MLIP: variants seen among roughly 807,000 people sequenced by gnomAD.
The protein encoded by MLIP is muscular LMNA interacting protein.
MLIP carries 79 observed loss-of-function variants against 84.8 expected under a neutral mutation model. The observed-to-expected ratio is 0.93, with a 90% confidence interval of 0.78 to 1.12. The LOEUF is 1.12. Among genes scored for constraint, MLIP ranks in the 50% most tolerant of loss-of-function variants. MLIP has a pLI of 0.00. For missense variants in MLIP, 1,257 were observed against 1,160.6 expected, an observed-to-expected ratio of 1.08 and a Z score of -1.21; for synonymous variants, 504 against 463.0, an observed-to-expected ratio of 1.09 and a Z score of -1.14.
chr6:54,198,096 T>G (rs1284736492), intron 10 of MLIP, among the ~76,000 whole-genome samples: 2 of 152,132 alleles, frequency 1.3e-5, no homozygotes, highest in Non-Finnish European at 2.9e-5. Flanking sequence ...TATCTCTACA[T>G]GAGCAGCACA....
At chr6:54,095,327 A>G (rs1768134617) in intron 1 of MLIP, among the ~76,000 whole-genome samples, 1 of 152,060 alleles carries the variant, frequency 6.6e-6, no homozygotes, top group African/African-American at 2.4e-5. Context: ...TGCTCCCTCT[A>G]CTCAGAAGGA....
intron 11 of MLIP, chr6:54,203,777 G>C (rs1016251442): frequency 2.0e-5 from 3 of 152,174 alleles, no homozygotes; most frequent in African/African-American, 7.2e-5. Context: ...GTAGAGACAG[G>C]GTTTCACCAT....
chr6:54,233,768 CCTTA>C (rs1231872523), intron 12 of MLIP, among the ~76,000 whole-genome samples: 1 of 152,130 alleles, frequency 6.6e-6, no homozygotes, highest in Non-Finnish European at 1.5e-5. Context: ...TGAGGAATAG[CCTTA>C]CTGTCTTCCA....
At position 54,124,637 on chromosome 6, in the gene MLIP, A is replaced by G. The variant is rs1314077112; in HGVS notation, c.417A>G (p.Glu139=). 5 of 1,614,214 alleles carry G rather than the reference A, an allele frequency of 3.1e-6. No homozygotes were observed. Among genetic ancestry groups the G allele is most frequent in the East Asian group, 2.2e-5 (1 of 44,870 alleles). ...AGCAAAGTGACCTCTTCAAAGCTGA[A>G]TATGTCCTTATTGTGGACTCCGAAG... ...GMQQSDLFKA[E]YVLIVDSEGE... The change falls in exon 3 of 14, where the codon GAA becomes GAG. Residue 139 remains glutamate (E), a synonymous_variant. Transcript: ENST00000502396.
At chr6:54,132,096 T>G (rs1227723565) in intron 3 of MLIP, among the ~76,000 whole-genome samples, 1 of 152,192 alleles carries the variant, frequency 6.6e-6, no homozygotes, top group African/African-American at 2.4e-5. Flanking sequence ...AGATACTGCT[T>G]CTTGTATTGC....
At chr6:54,082,745 T>C (rs1767243076) in intron 1 of MLIP, among the ~76,000 whole-genome samples, 2 of 69,726 alleles carry the variant, frequency 2.9e-5, no homozygotes, top group South Asian at 6.8e-4. Flanking sequence ...ACTAGTAAGA[T>C]TGAATATCTT....
At chr6:54,191,441 T>A (rs1358723649) in intron 10 of MLIP, among the ~76,000 whole-genome samples, 2 of 152,182 alleles carry the variant, frequency 1.3e-5, no homozygotes, top group Non-Finnish European at 2.9e-5. Context: ...TGTGTGTGCA[T>A]TAGTGTCAAT....
intron 7 of MLIP, 53 bp downstream of exon 7, chr6:54,160,652 A>T: frequency 1.3e-6 from 2 of 1,533,266 alleles, no homozygotes; most frequent in Non-Finnish European, 1.8e-6. Context: ...GCTTCTCTTC[A>T]TTTTCCTCTA....
At chr6:54,072,268 G>A (rs1318423491) in intron 1 of MLIP, among the ~76,000 whole-genome samples, 12 of 152,014 alleles carry the variant, frequency 7.9e-5, no homozygotes, top group Non-Finnish European at 2.9e-5. Flanking sequence ...CAATTTTCCA[G>A]CCCCTCATGC....
intron 1 of MLIP, among the ~76,000 whole-genome samples, chr6:54,035,489 A>G (rs1764376514): frequency 1.3e-5 from 2 of 152,130 alleles, no homozygotes. Flanking sequence ...TAAAAGTGTA[A>G]CTGCTGAGAC....
At chr6:54,183,743 G>GTTTTTT (rs3996970) in intron 9 of MLIP, among the ~76,000 whole-genome samples, 61 of 116,728 alleles carry the variant, frequency 5.2e-4, no homozygotes, top group East Asian at 2.2e-3. Context: ...GACAGGGTAA[G>GTTTTTT]TTTTTTTTTT....
Position 54,251,641 on chromosome 6 carries a change from T to G in MLIP, c.2923-5667T>G, listed in dbSNP as rs796783073. ...ATATATAATACAAATATATATATTA[T>G]AACATATAATATATAATATAAATAT... On this transcript the variant is annotated intron_variant, in intron 12 of 13. Coordinates refer to ENST00000502396, the MANE Select transcript of MLIP (RefSeq NM_001281747.2). 9.9e-5 allele frequency among the ~76,000 whole-genome samples: 10 copies of G among 100,732 alleles called. No homozygotes were observed. In the South Asian group the frequency reaches 2.6e-3, roughly 26 times the overall value. 66.1% of individuals were successfully genotyped at this position (100,732 alleles called of 152,430 possible). A position where few individuals can be genotyped will look rare whatever the true frequency, so the allele number is the denominator to read the frequency against.
At chr6:54,239,177 C>T (rs73741487) in intron 12 of MLIP, among the ~76,000 whole-genome samples, 18,382 of 151,652 alleles carry the variant, frequency 0.12, 1,490 homozygotes, top group African/African-American at 0.22. Context: ...TATTCATCTC[C>T]TACCTCTCCA....
chr6:54,149,822 T>C (rs1221087801), intron 5 of MLIP, among the ~76,000 whole-genome samples: 1 of 152,134 alleles, frequency 6.6e-6, no homozygotes, highest in Non-Finnish European at 1.5e-5. Context: ...GTAAATTAAA[T>C]TGAAGCCTCT....
chr6:54,020,246 T>A (rs1581964986), intron 1 of MLIP, among the ~76,000 whole-genome samples: 1 of 152,208 alleles, frequency 6.6e-6, no homozygotes, highest in African/African-American at 2.4e-5. Flanking sequence ...CAGTAATAAC[T>A]AATCTGAAGG....
At chr6:54,145,434 G>A (rs1772703370) in intron 4 of MLIP, among the ~76,000 whole-genome samples, 1 of 152,122 alleles carries the variant, frequency 6.6e-6, no homozygotes, top group African/African-American at 2.4e-5. Context: ...GAAAGGGTAT[G>A]TATGTCTTAG....
chr6:54,185,380 C>T (rs547198586), intron 9 of MLIP, among the ~76,000 whole-genome samples: 18 of 152,206 alleles, frequency 1.2e-4, no homozygotes, highest in Admixed American at 3.3e-4. Context: ...AGCAGTGATA[C>T]GGAGTTCATA....
intron 1 of MLIP, among the ~76,000 whole-genome samples, chr6:54,067,988 ATCTCAAG>A (rs1201913293): frequency 2.1e-5 from 2 of 95,702 alleles, no homozygotes; most frequent in African/African-American, 5.3e-5. Context: ...TTGGGTACCC[ATCTCAAG>A]TCCTTTCTTC....
chr6:54,137,009 A>G lies in MLIP; in HGVS notation c.940A>G (p.Thr314Ala), dbSNP rs895823900. Residue 314 changes from threonine to alanine, a missense_variant, in exon 4 of 14, where the codon ACT (threonine) becomes GCT (alanine). Thr to Ala is a moderately conservative substitution (Grantham distance 58, BLOSUM62 0). Transcript: ENST00000502396. ...ATCAGGTTCTAATTTACCCAGTTCAACTGCAGCAGATCCAAAGCCTGGACT... is the reference window on the plus strand; with the variant it reads ...ATCAGGTTCTAATTTACCCAGTTCAGCTGCAGCAGATCCAAAGCCTGGACT... Reference protein sequence around the residue: ...QLSGSNLPSSTAADPKPGLTS... With the variant: ...QLSGSNLPSSAAADPKPGLTS... 1.8e-5 allele frequency: 28 copies of G among 1,535,920 alleles called. No individual in the cohort carries two copies. The highest frequency in any genetic ancestry group is 1.7e-4 in the Middle Eastern group (1 of 6,012).
Sources: gnomAD v4.1 joint callset for allele counts (sites outside exome capture counted in the v4.1 genomes callset) on GRCh38, gnomAD v4.1.1 for gene constraint, MANE v1.5 for transcripts, NCBI Gene and HGNC (gene_info 2026-07-23, HGNC 2026-07-21) for gene names.